CNTNAP2: variants seen among roughly 807,000 people sequenced by gnomAD.
CNTNAP2 encodes contactin associated protein 2.
Under a neutral mutation model 155.2 loss-of-function variants are expected in CNTNAP2, and 98 were observed. The observed-to-expected ratio is 0.63, with a 90% CI of 0.54 to 0.75. The LOEUF is 0.75. Among genes scored for constraint, CNTNAP2 ranks in the 30% least tolerant of loss-of-function variants. The pLI is 0.00. For missense variants in CNTNAP2, 1,727 were observed against 1,688.1 expected (o/e 1.02, Z -0.40); for synonymous variants, 651 against 631.2 (o/e 1.03, Z -0.47).
intron 13 of CNTNAP2, among the ~76,000 whole-genome samples, chr7:147,802,029 G>T (rs1798003092): frequency 6.6e-6 from 1 of 151,316 alleles, no homozygotes; most frequent in Admixed American, 6.6e-5. Context: ...CAGGGTGGCT[G>T]CCGGGCGGAG....
chr7:147,290,810 A>T (rs2116747188), intron 8 of CNTNAP2, among the ~76,000 whole-genome samples: 1 of 152,246 alleles, frequency 6.6e-6, no homozygotes, highest in African/African-American at 2.4e-5. Context: ...GCTCAGTTGG[A>T]AACTTGTGCC....
intron 8 of CNTNAP2, among the ~76,000 whole-genome samples, chr7:147,235,345 G>GGTTGTGTGT (rs1554455459): frequency 1.4e-5 from 2 of 140,882 alleles, no homozygotes; most frequent in East Asian, 4.4e-4. Flanking sequence ...TGGAGTTTTT[G>GGTTGTGTGT]GTGTGTGTGT....
intron 17 of CNTNAP2, among the ~76,000 whole-genome samples, chr7:148,148,117 G>A (rs1033409618): frequency 1.3e-5 from 2 of 151,758 alleles, no homozygotes; most frequent in African/African-American, 4.8e-5. Flanking sequence ...GGAGGAAATG[G>A]GCTAAGTTCA....
intron 9 of CNTNAP2, among the ~76,000 whole-genome samples, chr7:147,351,146 T>TG (rs1280455062): frequency 6.6e-6 from 1 of 151,842 alleles, no homozygotes; most frequent in African/African-American, 2.4e-5. Context: ...TGTATTTGGT[T>TG]GGGTAAAAGT....
At chr7:146,748,143 C>CTTTTTTTTTTTTTT (rs61495352) in intron 1 of CNTNAP2, among the ~76,000 whole-genome samples, 7 of 98,000 alleles carry the variant, frequency 7.1e-5, no homozygotes, top group East Asian at 3.4e-4. Context: ...CTTTTCTTTT[C>CTTTTTTTTTTTTTT]TTTTTTTTTT....
At chr7:147,819,520 A>G (rs115607281) in intron 13 of CNTNAP2, among the ~76,000 whole-genome samples, 2,484 of 152,270 alleles carry the variant, frequency 0.016, 65 homozygotes, top group African/African-American at 0.056. Context: ...ACCTTAAGAT[A>G]TTATATTTTA....
intron 9 of CNTNAP2, among the ~76,000 whole-genome samples, chr7:147,318,067 A>G (rs1795268314): frequency 1.3e-5 from 2 of 152,170 alleles, no homozygotes; most frequent in Admixed American, 6.5e-5. Context: ...AGCCATTTGT[A>G]GGTATAAAAC....
At chr7:147,888,845 GA>G (rs1799641096) in intron 13 of CNTNAP2, among the ~76,000 whole-genome samples, 1 of 151,210 alleles carries the variant, frequency 6.6e-6, no homozygotes, top group South Asian at 2.1e-4. Context: ...TGACCCTAGA[GA>G]AAAAAAGATC....
At chr7:147,615,706 T>A (rs902737919) in intron 12 of CNTNAP2, among the ~76,000 whole-genome samples, 5 of 152,080 alleles carry the variant, frequency 3.3e-5, no homozygotes, top group Admixed American at 2.6e-4. Context: ...GAAAAATCGT[T>A]TTTTTTTCTT....
intron 1 of CNTNAP2, among the ~76,000 whole-genome samples, chr7:146,519,691 A>T (rs1375146469): frequency 6.6e-6 from 1 of 151,920 alleles, no homozygotes; most frequent in Non-Finnish European, 1.5e-5. Flanking sequence ...AAAGACAAGG[A>T]ATCAAAGCCA....
chr7:146,472,914 T>A (rs1796821006), intron 1 of CNTNAP2, among the ~76,000 whole-genome samples: 1 of 150,142 alleles, frequency 6.7e-6, no homozygotes, highest in African/African-American at 2.5e-5. Flanking sequence ...TCATTTTAAA[T>A]GTAATGGCAT....
chr7:146,937,913 A>G (rs988965856), intron 3 of CNTNAP2, among the ~76,000 whole-genome samples: 1 of 152,214 alleles, frequency 6.6e-6, no homozygotes, highest in Non-Finnish European at 1.5e-5. Flanking sequence ...GAAGCTAAAA[A>G]GAATTTCAAC....
At chr7:146,576,872 A>T (rs909554599) in intron 1 of CNTNAP2, among the ~76,000 whole-genome samples, 2 of 152,180 alleles carry the variant, frequency 1.3e-5, no homozygotes, top group Non-Finnish European at 2.9e-5. Flanking sequence ...TTTTAGGTGT[A>T]ACACTATATG....
intron 11 of CNTNAP2, among the ~76,000 whole-genome samples, chr7:147,529,910 G>C (rs982814771): frequency 2.6e-5 from 4 of 152,234 alleles, no homozygotes; most frequent in East Asian, 1.9e-4. Context: ...GTGTGATAAG[G>C]TCCCAATCTA....
intron 13 of CNTNAP2, among the ~76,000 whole-genome samples, chr7:147,848,379 CT>C (rs1798853409): frequency 6.6e-6 from 1 of 150,752 alleles, no homozygotes; most frequent in African/African-American, 2.4e-5. Flanking sequence ...TCCGTCACCC[CT>C]TTCTTTGACT....
At chr7:146,669,369 C>T (rs890105360) in intron 1 of CNTNAP2, among the ~76,000 whole-genome samples, 1 of 152,110 alleles carries the variant, frequency 6.6e-6, no homozygotes, top group African/African-American at 2.4e-5. Context: ...CTTCTTTACC[C>T]ACTCTTAGAA....
chr7:147,523,082 C>G (rs1001563955), intron 11 of CNTNAP2, among the ~76,000 whole-genome samples: 3 of 152,168 alleles, frequency 2.0e-5, no homozygotes, highest in Admixed American at 2.0e-4. Flanking sequence ...GCCTGGGTCT[C>G]TCACAGTCAA....
chr7:148,011,702 T>C (rs1006183030), intron 15 of CNTNAP2, among the ~76,000 whole-genome samples: 1 of 152,220 alleles, frequency 6.6e-6, no homozygotes, highest in Non-Finnish European at 1.5e-5. Flanking sequence ...TTTATGTTCA[T>C]TTATTGGCTT....
At chr7:147,649,574 A>G (rs921182099) in intron 13 of CNTNAP2, among the ~76,000 whole-genome samples, 2 of 152,178 alleles carry the variant, frequency 1.3e-5, no homozygotes, top group African/African-American at 4.8e-5. Flanking sequence ...TTTTCTTTGA[A>G]GATGATCACA....
Sources: allele counts gnomAD v4.1 joint callset (sites outside exome capture counted in the v4.1 genomes callset), GRCh38; gene constraint gnomAD v4.1.1; transcripts MANE v1.5; gene names NCBI Gene and HGNC (gene_info 2026-07-23, HGNC 2026-07-21).